The following SDHAF4 variants were observed in gnomAD, a reference collection of about 807,000 sequenced individuals.
SDHAF4 encodes succinate dehydrogenase complex assembly factor 4.
In SDHAF4, 14 loss-of-function variants were observed where a neutral mutation model predicts 14.3. The ratio of observed to expected loss-of-function variants is 0.98; its 90% confidence interval spans 0.65 to 1.53. The LOEUF (loss-of-function observed/expected upper bound fraction) is 1.53, where lower values mean the gene tolerates loss of function less well. Among genes scored for constraint, SDHAF4 ranks in the 40% most tolerant of loss-of-function variants. The pLI, the probability that SDHAF4 is intolerant of heterozygous loss-of-function variation, is 0.00. For synonymous variants in SDHAF4, 63 were observed against 47.3 expected, an observed-to-expected ratio of 1.33 and a Z score of -1.36; for missense variants, 141 against 129.3, an observed-to-expected ratio of 1.09 and a Z score of -0.44.
Position 70,578,978 on chromosome 6 carries a change from A to G in SDHAF4, c.65-436A>G, listed in dbSNP as rs746061724. On this transcript the variant is annotated intron_variant, in intron 1 of 2. Coordinates refer to ENST00000370474, the MANE Select transcript of SDHAF4 (RefSeq NM_145267.3). ...CTACGGGTGCATGCCACCATGCCCA[A>G]CTTGATGTATTCTTAAATTAGTTGA... 3.3e-5 allele frequency among the ~76,000 whole-genome samples: 5 copies of G among 152,230 alleles called. No homozygotes were observed. The East Asian group carries it at 7.7e-4, about 23-fold the overall frequency.
intron 1 of SDHAF4, among the ~76,000 whole-genome samples, chr6:70,570,356 T>C (rs1010163448): frequency 2.6e-5 from 4 of 152,198 alleles, no homozygotes; most frequent in African/African-American, 4.8e-5. Context: ...AGGGTCTTGC[T>C]CTGTCACCCA....
intron 1 of SDHAF4, among the ~76,000 whole-genome samples, chr6:70,578,438 GTTGT>G (rs1802282953): frequency 6.6e-6 from 1 of 152,084 alleles, no homozygotes; most frequent in Non-Finnish European, 1.5e-5. Flanking sequence ...TGCTTGTTGA[GTTGT>G]TTAAGTTCCT....
At chr6:70,594,517 A>G (rs1424310020), downstream of SDHAF4, among the ~76,000 whole-genome samples, 1 of 152,044 alleles carries the variant, frequency 6.6e-6, no homozygotes, top group African/African-American at 2.4e-5. Context: ...ATGCCTCAGG[A>G]CTCTATAGAG....
In SDHAF4 at chr6:70,579,478, T is replaced by C. The variant is rs777397413; in HGVS notation, c.129T>C (p.Leu43=). ...TSSSQGGKSE[L]VKQSLKKPKL... is the part of the protein sequence containing the mutation. ...CTTCTCAAGGAGGAAAGTCTGAACTTGTCAAACAGTCCCTTAAGAAGCCGA... is the reference window on the plus strand; with the variant it reads ...CTTCTCAAGGAGGAAAGTCTGAACTCGTCAAACAGTCCCTTAAGAAGCCGA... Residue 43 remains leucine (L), a synonymous_variant, in exon 2 of 3, where the codon CTT becomes CTC. Transcript: ENST00000370474. 1 of 1,611,740 alleles carries C rather than the reference T, an allele frequency of 6.2e-7. No homozygotes were observed. The highest frequency in any genetic ancestry group is 1.1e-5 in the South Asian group (1 of 90,724).
intron 1 of SDHAF4, among the ~76,000 whole-genome samples, chr6:70,572,197 T>C (rs1802191025): frequency 6.6e-6 from 1 of 151,344 alleles, no homozygotes; most frequent in African/African-American, 2.4e-5. Flanking sequence ...GCCTCATAGC[T>C]GGAATTACAG....
chr6:70,577,819 A>C (rs1347433308), intron 1 of SDHAF4, among the ~76,000 whole-genome samples: 1 of 152,164 alleles, frequency 6.6e-6, no homozygotes, highest in Non-Finnish European at 1.5e-5. Context: ...GAGAATATGC[A>C]ATATTTGGTT....
downstream of SDHAF4, among the ~76,000 whole-genome samples, chr6:70,593,055 C>A (rs867260184): frequency 6.6e-6 from 1 of 152,246 alleles, no homozygotes; most frequent in Non-Finnish European, 1.5e-5. Flanking sequence ...GACCTCTACT[C>A]CTGGGCATTC....
At chr6:70,597,384 A>G in the SDHAF4 span, among the ~76,000 whole-genome samples, 2 of 144,558 alleles carry the variant, frequency 1.4e-5, no homozygotes, top group South Asian at 2.2e-4. Context: ...TCTGACCTCC[A>G]GTGATCTGCC....
chr6:70,573,372 T>G (rs1802210715), intron 1 of SDHAF4, among the ~76,000 whole-genome samples: 1 of 147,880 alleles, frequency 6.8e-6, no homozygotes, highest in African/African-American at 2.6e-5. Flanking sequence ...CAAGTGATTC[T>G]CCTGCCTCAG....
intron 2 of SDHAF4, 52 bp from the exon 3 acceptor site, chr6:70,588,562 TA>T: frequency 1.2e-6 from 1 of 809,450 alleles, no homozygotes; most frequent in Non-Finnish European, 2.0e-6. Flanking sequence ...AAATTGACTA[TA>T]AGGCCTTTCC....
chr6:70,597,260 A>T, the SDHAF4 span, among the ~76,000 whole-genome samples: 1 of 148,490 alleles, frequency 6.7e-6, no homozygotes, highest in Non-Finnish European at 1.5e-5. Flanking sequence ...AGCCTCCCAA[A>T]TAGTTGAGAT....
the SDHAF4 span, among the ~76,000 whole-genome samples, chr6:70,597,220 G>T: frequency 2.8e-4 from 42 of 148,962 alleles, no homozygotes; most frequent in Middle Eastern, 3.6e-3. Context: ...TGCAACCTCT[G>T]CCTCTGGTTT....
At chr6:70,587,704 T>C (rs1365286317) in intron 2 of SDHAF4, among the ~76,000 whole-genome samples, 1 of 152,192 alleles carries the variant, frequency 6.6e-6, no homozygotes, top group East Asian at 1.9e-4. Flanking sequence ...TCTATAAAGT[T>C]GGAACAATAA....
chr6:70,590,517 A>G (rs1398981843), downstream of SDHAF4, among the ~76,000 whole-genome samples: 5 of 152,212 alleles, frequency 3.3e-5, no homozygotes, highest in Non-Finnish European at 7.3e-5. Flanking sequence ...ATGAGGTCCT[A>G]GGTGAAACCT....
At chr6:70,596,742 A>G in the SDHAF4 span, 1 of 151,304 alleles carries the variant, frequency 6.6e-6, no homozygotes, top group African/African-American at 2.4e-5. Flanking sequence ...AGATTGAATT[A>G]TGTCTACTAG....
chr6:70,571,039 A>G (rs964650592), intron 1 of SDHAF4, among the ~76,000 whole-genome samples: 2 of 152,138 alleles, frequency 1.3e-5, no homozygotes, highest in Admixed American at 6.5e-5. Flanking sequence ...TATTAGCTAC[A>G]GTTATACCCT....
intron 1 of SDHAF4, among the ~76,000 whole-genome samples, chr6:70,575,709 A>ATATG (rs1554182878): frequency 2.0e-5 from 3 of 147,142 alleles, no homozygotes; most frequent in Non-Finnish European, 3.0e-5. Flanking sequence ...GTTTTTGTAT[A>ATATG]TGTGTGTGTG....
At chr6:70,596,799 T>C in the SDHAF4 span, 1 of 152,208 alleles carries the variant, frequency 6.6e-6, no homozygotes, top group Non-Finnish European at 1.5e-5. Flanking sequence ...ATATATTACC[T>C]ATTATTAAAC....
chr6:70,577,107 G>A (rs189980363), intron 1 of SDHAF4, among the ~76,000 whole-genome samples: 5 of 152,188 alleles, frequency 3.3e-5, no homozygotes, highest in East Asian at 3.9e-4. Context: ...CAGCAACATC[G>A]GGTCTGGTCT....
Sources: allele counts gnomAD v4.1 joint callset (sites outside exome capture counted in the v4.1 genomes callset), GRCh38; gene constraint gnomAD v4.1.1; transcripts MANE v1.5; gene names NCBI Gene and HGNC (gene_info 2026-07-23, HGNC 2026-07-21).